Variants in RORA observed in about 807,000 individuals in gnomAD.
RORA encodes nuclear receptor ROR-alpha.
Under a neutral mutation model 69.5 loss-of-function variants are expected in RORA, and 7 were observed. That is an observed-to-expected ratio of 0.10 (90% CI 0.06 to 0.19). RORA has a LOEUF of 0.19. Ranked by LOEUF, RORA falls within the 10% of genes least tolerant of loss-of-function variation. The probability of loss-of-function intolerance (pLI) is 1.00; values close to 1 mark genes in which losing one functional copy is unlikely to be tolerated. For missense variants in RORA, 457 were observed against 663.0 expected (o/e 0.69, Z 3.41); for synonymous variants, 261 against 240.8 (o/e 1.08, Z -0.78).
At chr15:60,592,386 C>T (rs2140524976) in intron 2 of RORA, 1 of 1,435,320 alleles carries the variant, frequency 7.0e-7, no homozygotes, top group Non-Finnish European at 9.2e-7. Context: ...CCCGGGCTCA[C>T]CTTTCATCGC....
intron 1 of RORA, among the ~76,000 whole-genome samples, chr15:60,758,658 G>A (rs981978274): frequency 1.3e-5 from 2 of 152,148 alleles, no homozygotes; most frequent in African/African-American, 2.4e-5. Context: ...AAGTGGTGAT[G>A]ATCAAGTGAG....
At chr15:60,608,344 T>C (rs994128748) in intron 2 of RORA, among the ~76,000 whole-genome samples, 3 of 152,196 alleles carry the variant, frequency 2.0e-5, no homozygotes, top group African/African-American at 7.2e-5. Flanking sequence ...ATTATCATTA[T>C]GTTGTTGTTA....
intron 1 of RORA, among the ~76,000 whole-genome samples, chr15:60,859,113 T>TG (rs1416461903): frequency 1.3e-5 from 2 of 152,232 alleles, no homozygotes; most frequent in African/African-American, 4.8e-5. Flanking sequence ...GAAATACTCT[T>TG]GGTCTGGCTT....
At chr15:61,094,845 A>G (rs2078765364) in intron 1 of RORA, among the ~76,000 whole-genome samples, 1 of 152,242 alleles carries the variant, frequency 6.6e-6, no homozygotes, top group Admixed American at 6.5e-5. Flanking sequence ...ACATGGGCAT[A>G]TGCCTCAGCA....
At chr15:61,109,087 T>G (rs1248498659) in intron 1 of RORA, among the ~76,000 whole-genome samples, 2 of 152,070 alleles carry the variant, frequency 1.3e-5, no homozygotes, top group African/African-American at 2.4e-5. Flanking sequence ...TCCCATCTAC[T>G]TGGGAGGCTG....
At chr15:60,505,761 T>A (rs2065480208) in intron 5 of RORA, 132 bp from the exon 6 acceptor site, 2 of 998,312 alleles carry the variant, frequency 2.0e-6, no homozygotes, top group African/African-American at 1.6e-5. Flanking sequence ...TTTACACATT[T>A]AAACAAGTAA....
intron 1 of RORA, among the ~76,000 whole-genome samples, chr15:60,890,361 A>G (rs2073800059): frequency 6.6e-6 from 1 of 152,228 alleles, no homozygotes; most frequent in South Asian, 2.1e-4. Context: ...TCCCCTCAGA[A>G]GAATGCAGAG....
At chr15:60,592,103 G>A (rs1276602161) in intron 2 of RORA, among the ~76,000 whole-genome samples, 2 of 151,926 alleles carry the variant, frequency 1.3e-5, no homozygotes, top group African/African-American at 4.8e-5. Context: ...TGGGAGACCC[G>A]CCCGGTGCCA....
chr15:61,201,478 G>A (rs912745131), intron 1 of RORA, among the ~76,000 whole-genome samples: 2 of 152,314 alleles, frequency 1.3e-5, no homozygotes, highest in South Asian at 4.1e-4. Context: ...AGGTTTCTCT[G>A]TAAACATGAT....
chr15:60,627,624 C>T, intron 2 of RORA: 1 of 681,378 alleles, frequency 1.5e-6, no homozygotes, highest in Non-Finnish European at 1.8e-6. Context: ...GGGCTCCTCT[C>T]TTTTCTTTTC....
intron 3 of RORA, among the ~76,000 whole-genome samples, chr15:60,525,375 G>A (rs1287156536): frequency 3.3e-5 from 5 of 152,292 alleles, no homozygotes; most frequent in Admixed American, 2.6e-4. Context: ...CTCCTGTGTG[G>A]GGCTCCTTCT....
chr15:61,080,501 G>C (rs1274072576), intron 1 of RORA, among the ~76,000 whole-genome samples: 1 of 152,170 alleles, frequency 6.6e-6, no homozygotes, highest in Non-Finnish European at 1.5e-5. Context: ...AATGCAAATA[G>C]ATACCATTTC....
intron 3 of RORA, among the ~76,000 whole-genome samples, chr15:60,526,867 A>T (rs1461281410): frequency 6.6e-6 from 1 of 152,234 alleles, no homozygotes; most frequent in African/African-American, 2.4e-5. Context: ...CTGCTTTTTA[A>T]CCTAAACATA....
At chr15:60,775,646 A>G (rs2072155137) in intron 1 of RORA, among the ~76,000 whole-genome samples, 1 of 152,086 alleles carries the variant, frequency 6.6e-6, no homozygotes, top group South Asian at 2.1e-4. Context: ...CACACGCACA[A>G]TTCATTTATG....
chr15:60,751,660 C>T (rs1435356191), intron 1 of RORA, among the ~76,000 whole-genome samples: 1 of 152,192 alleles, frequency 6.6e-6, no homozygotes, highest in Non-Finnish European at 1.5e-5. Flanking sequence ...CACCTGCTTT[C>T]TTGACCACTG....
chr15:60,842,266 T>C (rs1200686925), intron 1 of RORA, among the ~76,000 whole-genome samples: 1 of 152,114 alleles, frequency 6.6e-6, no homozygotes, highest in African/African-American at 2.4e-5. Context: ...CAAACAGCAA[T>C]TTATTTAATA....
Position 61,019,356 on chromosome 15 carries a change from A to G in RORA, c.166+209697T>C, listed in dbSNP as rs140682021. 4.6e-3 allele frequency among the ~76,000 whole-genome samples: 708 copies of G among 152,302 alleles called. 3 individuals carry two copies. Among genetic ancestry groups the G allele is most frequent in the African/African-American group, 0.016 (682 of 41,566 alleles). On this transcript the variant is annotated intron_variant, in intron 1 of 10. Coordinates refer to ENST00000335670, the MANE Select transcript of RORA (RefSeq NM_134261.3). ...TCATCATGCCCTTTCTTTAAAGAAA[A>G]AAGAAAGTCTTCCCCTGGGTTCTTC...
At chr15:60,839,245 G>C (rs532186211) in intron 1 of RORA, among the ~76,000 whole-genome samples, 1 of 152,026 alleles carries the variant, frequency 6.6e-6, no homozygotes, top group Non-Finnish European at 1.5e-5. Context: ...TGTAAGAATA[G>C]TATTAATATA....
chr15:60,666,374 C>G (rs1407022000), intron 2 of RORA, among the ~76,000 whole-genome samples: 1 of 142,640 alleles, frequency 7.0e-6, no homozygotes, highest in African/African-American at 2.7e-5. Flanking sequence ...TTTGTAGATA[C>G]CTGGTCTCCC....
Sources: allele counts gnomAD v4.1 joint callset (sites outside exome capture counted in the v4.1 genomes callset), GRCh38; gene constraint gnomAD v4.1.1; transcripts MANE v1.5; gene names NCBI Gene and HGNC (gene_info 2026-07-23, HGNC 2026-07-21).